Variants in ARIH1 observed in about 807,000 individuals in gnomAD.
The protein encoded by ARIH1 is ariadne RBR E3 ubiquitin protein ligase 1.
Under a neutral mutation model 85.0 loss-of-function variants are expected in ARIH1, and 8 were observed. The ratio of observed to expected loss-of-function variants is 0.09; its 90% CI spans 0.06 to 0.17. The LOEUF (loss-of-function observed/expected upper bound fraction) is 0.17. Ranked by LOEUF, ARIH1 falls within the 10% of genes least tolerant of loss-of-function variation. The pLI, the probability that ARIH1 is intolerant of heterozygous loss-of-function variation, is 1.00. For synonymous variants in ARIH1, 238 were observed against 253.6 expected, an observed-to-expected ratio of 0.94 and a Z score of 0.59; for missense variants, 311 against 718.1, an observed-to-expected ratio of 0.43 and a Z score of 6.48.
chr15:72,496,033 C>A (rs2063878809), intron 1 of ARIH1, among the ~76,000 whole-genome samples: 1 of 152,110 alleles, frequency 6.6e-6, no homozygotes. Context: ...GCCTCAGCCT[C>A]CTGAGCAGCT....
chr15:72,498,128 C>T, intron 1 of ARIH1, among the ~76,000 whole-genome samples: 1 of 152,054 alleles, frequency 6.6e-6, no homozygotes, highest in East Asian at 1.9e-4. Context: ...AAAGGGGAGT[C>T]TTAAGGAGGT....
Position 72,580,731 on chromosome 15 carries a change from C to T in ARIH1, c.1216C>T (p.Arg406Ter). The change falls in exon 12 of 14, where the codon CGA becomes TGA. Residue 406 changes from arginine (R) to a stop codon, truncating the protein, a stop_gained and splice_region_variant. Coordinates refer to ENST00000379887, the MANE Select transcript of ARIH1 (RefSeq NM_005744.5). LOFTEE classifies it high-confidence loss of function. ...CACCCAATTTTTCTTAATGGGACAGCGATCTAGGGCAGCCCTGCAGAGGTA... is the reference window on the plus strand; with the variant it reads ...CACCCAATTTTTCTTAATGGGACAGTGATCTAGGGCAGCCCTGCAGAGGTA... The part of the protein sequence containing the change: ...DAKAARDAQE[R>*]SRAALQRYLF... 1 of 1,605,162 alleles carries T rather than the reference C, an allele frequency of 6.2e-7. No homozygotes were observed. Among genetic ancestry groups the T allele is most frequent in the Non-Finnish European group, 8.5e-7 (1 of 1,174,434 alleles).
At chr15:72,529,473 T>A (rs920377903) in intron 2 of ARIH1, among the ~76,000 whole-genome samples, 15 of 152,294 alleles carry the variant, frequency 9.8e-5, no homozygotes, top group East Asian at 9.7e-4. Context: ...CAAGCAGTCC[T>A]CCTCTCTTGG....
chr15:72,489,881 A>G (rs1451458794), intron 1 of ARIH1, among the ~76,000 whole-genome samples: 1 of 152,234 alleles, frequency 6.6e-6, no homozygotes, highest in African/African-American at 2.4e-5. Context: ...TTTGCCCTCC[A>G]AAGCAACCAG....
Position 72,550,721 on chromosome 15 carries a change from G to T in ARIH1, c.589-4550G>T, listed in dbSNP as rs1296948241. On this transcript the variant is annotated intron_variant, in intron 3 of 13. Transcript: ENST00000379887. ...AAGTCTCACTCTGTTGCCCAGGCTGGAGTGCAGTGGTGTGATCTCGGCTTA... is the reference window on the plus strand; with the variant it reads ...AAGTCTCACTCTGTTGCCCAGGCTGTAGTGCAGTGGTGTGATCTCGGCTTA... Among the ~76,000 whole-genome samples, 4 of 152,090 alleles carry T rather than the reference G, an allele frequency of 2.6e-5. No individual in the cohort carries two copies. The South Asian group carries it at 8.3e-4, about 32-fold the overall frequency.
At chr15:72,495,799 C>T (rs2063877554) in intron 1 of ARIH1, among the ~76,000 whole-genome samples, 1 of 151,996 alleles carries the variant, frequency 6.6e-6, no homozygotes, top group Non-Finnish European at 1.5e-5. Context: ...AATGTTGAGA[C>T]ATTGTTTTAA....
chr15:72,563,540 C>A (rs1306157387), intron 7 of ARIH1, 40 bp downstream of exon 7: 2 of 1,509,562 alleles, frequency 1.3e-6, no homozygotes, highest in Non-Finnish European at 1.8e-6. Flanking sequence ...GTGCACAAAG[C>A]GTTTCCATTT....
rs906283841 is a variant in ARIH1 at position 72,598,938 on chromosome 15, G to C, written c.*15646G>C. 6.7e-6 allele frequency: 1 copy of C among 148,180 alleles called. No individual in the cohort carries two copies. The highest frequency in any genetic ancestry group is 2.5e-5 in the African/African-American group (1 of 40,670). The allele number at this position is 148,180 out of a possible 1,614,324, so 9.2% of individuals were successfully genotyped here. ...ATGTTGCCTGTGATCCTCCCACCTT[G>C]GTTTTCCAAAGTGCTGGGATTAAAG... On this transcript the variant is annotated 3_prime_UTR_variant, in exon 14 of 14. Coordinates refer to ENST00000379887, the MANE Select transcript of ARIH1 (RefSeq NM_005744.5).
In ARIH1 at chr15:72,588,964, A is replaced by G. The variant is rs141091090; in HGVS notation, c.*5672A>G. 3.9e-5 allele frequency: 6 copies of G among 152,260 alleles called. No individual in the cohort carries two copies. The South Asian group carries it at 8.3e-4, about 21-fold the overall frequency. The allele number at this position is 152,260 out of a possible 1,614,324, so 9.4% of individuals were successfully genotyped here. A position where few individuals can be genotyped will look rare whatever the true frequency, so the allele number is the denominator to read the frequency against. Reference sequence around the variant, plus strand: ...TTCCACGAGCACTTAAGAGTTTACAAGTTTCTCATGTCTATCATTCTTTTG... The same window carrying G: ...TTCCACGAGCACTTAAGAGTTTACAGGTTTCTCATGTCTATCATTCTTTTG... On this transcript the variant is annotated 3_prime_UTR_variant, in exon 14 of 14. Coordinates refer to ENST00000379887, the MANE Select transcript of ARIH1 (RefSeq NM_005744.5).
intron 1 of ARIH1, among the ~76,000 whole-genome samples, chr15:72,507,678 T>C (rs183460713): frequency 6.6e-6 from 1 of 152,140 alleles, no homozygotes; most frequent in East Asian, 1.9e-4. Context: ...TAAATAAAAA[T>C]AAATAAATAA....
chr15:72,531,126 C>A (rs1458519333), intron 2 of ARIH1, among the ~76,000 whole-genome samples: 3 of 152,092 alleles, frequency 2.0e-5, no homozygotes, highest in African/African-American at 4.8e-5. Context: ...ATTATTGACA[C>A]CTTACAGTCC....
rs549909184 is a variant in ARIH1 at position 72,579,470 on chromosome 15, A to G, written c.1216-1261A>G. On this transcript the variant is annotated intron_variant, in intron 11 of 13. Coordinates refer to ENST00000379887, the MANE Select transcript of ARIH1 (RefSeq NM_005744.5). ...GTTGCCACTGTAGTTTTCTACTTAA[A>G]AATATCTCTGCTTTTTGCTTGTTTT... Among the ~76,000 whole-genome samples the G allele has an allele frequency of 4.6e-5, 7 of 152,318 alleles. No homozygotes were observed. In the South Asian group the frequency reaches 1.5e-3, roughly 32 times the overall value.
intron 1 of ARIH1, among the ~76,000 whole-genome samples, chr15:72,502,769 G>A (rs898452883): frequency 6.6e-6 from 1 of 152,132 alleles, no homozygotes; most frequent in Non-Finnish European, 1.5e-5. Flanking sequence ...TCTCGCCACT[G>A]TACTCCAGCC....
chr15:72,542,113 T>C (rs1226934409), intron 2 of ARIH1, among the ~76,000 whole-genome samples: 1 of 152,160 alleles, frequency 6.6e-6, no homozygotes, highest in Non-Finnish European at 1.5e-5. Context: ...TTACTCCTTA[T>C]TACGCAAAAA....
At chr15:72,567,271 C>A in intron 9 of ARIH1, 94 bp downstream of exon 9, 1 of 885,908 alleles carries the variant, frequency 1.1e-6, no homozygotes, top group Non-Finnish European at 1.7e-6. Context: ...TACTTACAGG[C>A]TTTGTTTCAT....
chr15:72,561,939 C>T (rs2064199233), intron 6 of ARIH1, among the ~76,000 whole-genome samples: 1 of 152,178 alleles, frequency 6.6e-6, no homozygotes, highest in South Asian at 2.1e-4. Flanking sequence ...CGCCACTGCA[C>T]TCCAGCCTGG....
rs1224024344 is a variant in ARIH1, at chr15:72,570,239, T to C, written c.1089T>C (p.Arg363=). Residue 363 remains arginine (R), a synonymous_variant, in exon 10 of 14, where the codon CGT becomes CGC. Coordinates refer to ENST00000379887, the MANE Select transcript of ARIH1 (RefSeq NM_005744.5). The part of the protein sequence containing the change: ...KDGGCNHMVC[R]NQNCKAEFCW... Reference sequence around the variant, plus strand: ...GTGGTTGTAATCACATGGTCTGTCGTAACCAGAATTGTAAAGCAGAGTTTT... The same window carrying C: ...GTGGTTGTAATCACATGGTCTGTCGCAACCAGAATTGTAAAGCAGAGTTTT... The C allele has an allele frequency of 1.9e-6, 3 of 1,614,002 alleles. No homozygotes were observed. Among genetic ancestry groups the C allele is most frequent in the East Asian group, 2.2e-5 (1 of 44,874 alleles).
At chr15:72,566,006 A>C (rs2064218900) in intron 7 of ARIH1, among the ~76,000 whole-genome samples, 1 of 152,148 alleles carries the variant, frequency 6.6e-6, no homozygotes, top group Admixed American at 6.5e-5. Flanking sequence ...TGAACTTAGA[A>C]AACAAAAGTG....
chr15:72,505,131 G>A (rs1408160379), intron 1 of ARIH1, among the ~76,000 whole-genome samples: 1 of 152,146 alleles, frequency 6.6e-6, no homozygotes, highest in Non-Finnish European at 1.5e-5. Flanking sequence ...GATCACCTCA[G>A]GAACACTTGA....
Sources: gnomAD v4.1 joint callset for allele counts (sites outside exome capture counted in the v4.1 genomes callset) on GRCh38, gnomAD v4.1.1 for gene constraint, MANE v1.5 for transcripts, NCBI Gene and HGNC (gene_info 2026-07-23, HGNC 2026-07-21) for gene names.